Variants in DYM observed in about 807,000 individuals in gnomAD.
DYM encodes the protein dymeclin.
DYM carries 78 observed loss-of-function variants against 93.1 expected under a neutral mutation model. The observed-to-expected ratio is 0.84, with a 90% confidence interval of 0.70 to 1.01. The LOEUF (loss-of-function observed/expected upper bound fraction) is 1.01. Ranked by LOEUF, DYM falls within the 50% of genes least tolerant of loss-of-function variation. The probability of loss-of-function intolerance (pLI) is 0.00; values close to 1 mark genes in which losing one functional copy is unlikely to be tolerated. For missense variants in DYM, 789 were observed against 845.0 expected (o/e 0.93, Z 0.82); for synonymous variants, 321 against 319.7 (o/e 1.00, Z -0.04).
chr18:49,194,275 C>A (rs1033244425), intron 14 of DYM, among the ~76,000 whole-genome samples: 2 of 152,170 alleles, frequency 1.3e-5, no homozygotes, highest in African/African-American at 4.8e-5. Flanking sequence ...GTTTAAACTG[C>A]ACGAGAAATT....
At chr18:49,358,220 C>A (rs563989496) in intron 6 of DYM, among the ~76,000 whole-genome samples, 47 of 152,282 alleles carry the variant, frequency 3.1e-4, no homozygotes, top group Non-Finnish European at 4.4e-5. Context: ...CAGCTATTTT[C>A]AGGTGGTCAA....
At chr18:49,430,654 AGGCG>A (rs2074725796) in intron 1 of DYM, among the ~76,000 whole-genome samples, 1 of 152,178 alleles carries the variant, frequency 6.6e-6, no homozygotes, top group Non-Finnish European at 1.5e-5. Context: ...TGGGAGGCTG[AGGCG>A]GGCAGATCAT....
At chr18:49,317,693 C>CT (rs1242047437) in intron 8 of DYM, among the ~76,000 whole-genome samples, 6 of 96,056 alleles carry the variant, frequency 6.2e-5, no homozygotes, top group Admixed American at 2.1e-4. Context: ...TCCTTCCTTT[C>CT]TTTCTTTCTT....
chr18:49,290,573 A>G (rs961298925), intron 8 of DYM, among the ~76,000 whole-genome samples: 4 of 152,090 alleles, frequency 2.6e-5, no homozygotes, highest in African/African-American at 9.7e-5. Context: ...AAAAATATAG[A>G]TCCCATTAGT....
At chr18:49,406,577 G>GA (rs894873244) in intron 2 of DYM, among the ~76,000 whole-genome samples, 5 of 151,890 alleles carry the variant, frequency 3.3e-5, no homozygotes, top group African/African-American at 7.3e-5. Context: ...GAAAAGAAAA[G>GA]AAAAAAGAAA....
chr18:49,257,940 C>A (rs755534423), intron 12 of DYM, among the ~76,000 whole-genome samples: 1 of 151,990 alleles, frequency 6.6e-6, no homozygotes, highest in Non-Finnish European at 1.5e-5. Context: ...TTAACCAGAA[C>A]TGAAATTTGC....
At chr18:49,318,002 G>C (rs114533093) in intron 8 of DYM, among the ~76,000 whole-genome samples, 299 of 152,134 alleles carry the variant, frequency 2.0e-3, no homozygotes, top group African/African-American at 6.6e-3. Context: ...GGCTACCCAG[G>C]AAAACAGATG....
intron 5 of DYM, 34 bp downstream of exon 5, chr18:49,378,533 A>G (rs751328215): frequency 2.5e-6 from 4 of 1,570,972 alleles, no homozygotes; most frequent in Non-Finnish European, 3.5e-6. Context: ...GTTACACATG[A>G]TATATCCAGA....
intron 2 of DYM, among the ~76,000 whole-genome samples, chr18:49,420,477 G>A (rs1432528270): frequency 6.6e-6 from 1 of 151,788 alleles, no homozygotes; most frequent in Non-Finnish European, 1.5e-5. Flanking sequence ...CTTAAACTAA[G>A]GTAAACTTCT....
At chr18:49,438,408 G>C (rs1159248962) in intron 1 of DYM, among the ~76,000 whole-genome samples, 1 of 152,070 alleles carries the variant, frequency 6.6e-6, no homozygotes, top group Non-Finnish European at 1.5e-5. Context: ...ACACAGCCAT[G>C]CTAAAAAAAT....
chr18:49,112,560 A>G (rs1455244324), intron 16 of DYM, among the ~76,000 whole-genome samples: 5 of 152,076 alleles, frequency 3.3e-5, no homozygotes, highest in Non-Finnish European at 7.4e-5. Flanking sequence ...AGGTTCAAGA[A>G]AAGTTATGAT....
chr18:49,414,513 T>C (rs978586774), intron 2 of DYM, among the ~76,000 whole-genome samples: 3 of 152,206 alleles, frequency 2.0e-5, no homozygotes, highest in Non-Finnish European at 1.5e-5. Context: ...ATACAACTTA[T>C]AAGATCTTTC....
At chr18:49,373,395 C>A (rs1239584236) in intron 5 of DYM, among the ~76,000 whole-genome samples, 1 of 152,122 alleles carries the variant, frequency 6.6e-6, no homozygotes, top group Non-Finnish European at 1.5e-5. Context: ...ATTTATGCCT[C>A]CCCTTTTTAG....
intron 5 of DYM, among the ~76,000 whole-genome samples, chr18:49,372,069 T>C (rs1490411463): frequency 6.6e-6 from 1 of 152,248 alleles, no homozygotes; most frequent in Non-Finnish European, 1.5e-5. Context: ...TGTTTGCAGA[T>C]GGCCCTCTAC....
chr18:49,391,661 A>G lies in DYM; in HGVS notation c.141-16T>C. On this transcript the variant is annotated splice_polypyrimidine_tract_variant and intron_variant, in intron 2 of 17. Coordinates refer to ENST00000675505, the MANE Select transcript of DYM (RefSeq NM_001353214.3). The stretch of plus-strand genomic sequence containing the variant: ...CAACTCACTACTGGAGAGACAGAAG[A>G]ATAAAGGTAATTAATGACTATAATA... 6.2e-7 allele frequency: 1 copy of G among 1,606,570 alleles called. No individual in the cohort carries two copies. The highest frequency in any genetic ancestry group is 8.5e-7 in the Non-Finnish European group (1 of 1,173,472).
intron 15 of DYM, among the ~76,000 whole-genome samples, chr18:49,153,274 G>A (rs778602526): frequency 1.3e-5 from 2 of 152,078 alleles, no homozygotes; most frequent in African/African-American, 2.4e-5. Context: ...GAAAAAAATC[G>A]ATTGCACTAA....
At chr18:49,291,103 T>C (rs1423799240) in intron 8 of DYM, among the ~76,000 whole-genome samples, 1 of 152,172 alleles carries the variant, frequency 6.6e-6, no homozygotes, top group African/African-American at 2.4e-5. Flanking sequence ...ATATTTAACT[T>C]TAATCTTTGC....
intron 2 of DYM, among the ~76,000 whole-genome samples, chr18:49,426,081 C>A (rs187367385): frequency 1.5e-4 from 23 of 152,130 alleles, no homozygotes; most frequent in Admixed American, 1.4e-3. Context: ...ATGCTGCTAT[C>A]AAGACACATG....
At chr18:49,429,872 G>A (rs1015183710) in intron 2 of DYM, among the ~76,000 whole-genome samples, 10 of 152,140 alleles carry the variant, frequency 6.6e-5, no homozygotes, top group African/African-American at 2.2e-4. Context: ...TTGCAAATGT[G>A]CTACATATAC....
Sources: allele counts gnomAD v4.1 joint callset (sites outside exome capture counted in the v4.1 genomes callset), GRCh38; gene constraint gnomAD v4.1.1; transcripts MANE v1.5; gene names NCBI Gene and HGNC (gene_info 2026-07-23, HGNC 2026-07-21).